Variants in RBM33 observed in about 807,000 individuals in gnomAD.
RBM33 encodes RNA binding motif protein 33, also known as RNA-binding protein 33.
A neutral mutation model predicts 132.6 loss-of-function variants in RBM33; 28 were observed. That is an observed-to-expected ratio of 0.21 (90% confidence interval 0.16 to 0.29). The LOEUF (loss-of-function observed/expected upper bound fraction) is 0.29. RBM33 is among the 10% of genes least tolerant of loss of function. The pLI is 1.00. For missense variants in RBM33, 1,291 were observed against 1,518.5 expected, an observed-to-expected ratio of 0.85 and a Z score of 2.49; for synonymous variants, 634 against 593.0, an observed-to-expected ratio of 1.07 and a Z score of -1.01.
chr7:155,700,036 G>C (rs549522362), intron 5 of RBM33, among the ~76,000 whole-genome samples: 12 of 152,300 alleles, frequency 7.9e-5, no homozygotes, highest in African/African-American at 2.9e-4. Context: ...AGTGATACTT[G>C]GCAGTAAGAA....
chr7:155,681,106 G>A (rs1799326436), intron 5 of RBM33, among the ~76,000 whole-genome samples, 198 bp downstream of exon 5: 1 of 152,200 alleles, frequency 6.6e-6, no homozygotes, highest in East Asian at 1.9e-4. Flanking sequence ...ATGCTCCTTT[G>A]TCATTCTGGA....
intron 6 of RBM33, chr7:155,701,460 T>A (rs1217984965): frequency 6.3e-6 from 1 of 159,828 alleles, no homozygotes; most frequent in African/African-American, 2.4e-5. Context: ...CAAAGCTTGC[T>A]GTGTGAAAGG....
At chr7:155,750,342 A>G (rs1801653104) in intron 14 of RBM33, among the ~76,000 whole-genome samples, 2 of 149,036 alleles carry the variant, frequency 1.3e-5, no homozygotes, top group African/African-American at 5.1e-5. Flanking sequence ...GCAAATATAA[A>G]AAGTATAAAA....
intron 9 of RBM33, among the ~76,000 whole-genome samples, chr7:155,720,898 C>T (rs1479262084): frequency 6.6e-6 from 1 of 152,184 alleles, no homozygotes; most frequent in East Asian, 1.9e-4. Flanking sequence ...TGACTACACA[C>T]ACGCACACAC....
chr7:155,671,013 A>G (rs1036182557), intron 2 of RBM33, among the ~76,000 whole-genome samples: 4 of 151,114 alleles, frequency 2.6e-5, no homozygotes, highest in Non-Finnish European at 5.9e-5. Context: ...TGACTTTGTC[A>G]GTTTGCCCTG....
intron 14 of RBM33, among the ~76,000 whole-genome samples, chr7:155,747,988 G>T (rs1193554159): frequency 1.3e-5 from 2 of 152,168 alleles, no homozygotes; most frequent in African/African-American, 2.4e-5. Context: ...TCTGTTCCTG[G>T]CTGCTGGAGA....
At chr7:155,749,203 C>T (rs575491526) in intron 14 of RBM33, among the ~76,000 whole-genome samples, 2 of 152,326 alleles carry the variant, frequency 1.3e-5, no homozygotes, top group South Asian at 4.1e-4. Flanking sequence ...TTCTGGTACA[C>T]AGAAGGCATT....
intron 9 of RBM33, among the ~76,000 whole-genome samples, chr7:155,726,360 C>T (rs1311745287): frequency 1.5e-4 from 22 of 149,316 alleles, no homozygotes; most frequent in Admixed American, 1.2e-3. Context: ...AGTTTTTCAT[C>T]GTTTTTTTTT....
chr7:155,714,209 G>A (rs1230838233), intron 8 of RBM33, among the ~76,000 whole-genome samples: 1 of 152,218 alleles, frequency 6.6e-6, no homozygotes, highest in Non-Finnish European at 1.5e-5. Flanking sequence ...GGAATAGGCA[G>A]GCAGTTGGGT....
At chr7:155,730,981 G>C (rs1800938447) in intron 9 of RBM33, among the ~76,000 whole-genome samples, 1 of 149,050 alleles carries the variant, frequency 6.7e-6, no homozygotes, top group Admixed American at 6.6e-5. Context: ...GGAAAACTAA[G>C]TTTGTGGACT....
Position 155,673,494 on chromosome 7 carries a change from A to C in RBM33, c.171+579A>C, listed in dbSNP as rs140542468. Reference sequence around the variant, plus strand: ...TACATACACGTGTGTATATATATACACACATATATACATACACACGTGTAT... The same window carrying C: ...TACATACACGTGTGTATATATATACCCACATATATACATACACACGTGTAT... On this transcript the variant is annotated intron_variant, in intron 3 of 17. Transcript: ENST00000401878. Among the ~76,000 whole-genome samples, 628 of 144,040 alleles carry C rather than the reference A, an allele frequency of 4.4e-3. 10 individuals carry two copies. The highest frequency in any genetic ancestry group is 0.018 in the African/African-American group (607 of 34,538). The allele number at this position is 144,040 out of a possible 152,430, so 94.5% of individuals were successfully genotyped here.
intron 2 of RBM33, among the ~76,000 whole-genome samples, chr7:155,670,242 T>C (rs139878649): frequency 1.8e-3 from 267 of 152,318 alleles, no homozygotes; most frequent in African/African-American, 5.0e-3. Context: ...GTGGAATCTT[T>C]AGGGAACTCT....
chr7:155,712,387 A>G (rs1006631307), intron 8 of RBM33, among the ~76,000 whole-genome samples: 4 of 152,220 alleles, frequency 2.6e-5, no homozygotes, highest in African/African-American at 9.6e-5. Flanking sequence ...TATTTTTGGC[A>G]TTTGAGTTAT....
At chr7:155,688,362 TAAG>T (rs1799536655) in intron 5 of RBM33, among the ~76,000 whole-genome samples, 2 of 152,210 alleles carry the variant, frequency 1.3e-5, no homozygotes, top group Non-Finnish European at 2.9e-5. Context: ...CTTATCAGCT[TAAG>T]GAGATTTTGG....
At chr7:155,757,858 G>T (rs2117057279) in intron 14 of RBM33, among the ~76,000 whole-genome samples, 1 of 129,334 alleles carries the variant, frequency 7.7e-6, no homozygotes, top group South Asian at 2.6e-4. Flanking sequence ...GCATTTCATG[G>T]CAAAAGCAGG....
chr7:155,697,884 A>G (rs970173280), intron 5 of RBM33, among the ~76,000 whole-genome samples: 4 of 152,220 alleles, frequency 2.6e-5, no homozygotes, highest in South Asian at 2.1e-4. Context: ...GGTTTTCACA[A>G]TAAATCAGTA....
At chr7:155,707,153 C>G in intron 7 of RBM33, 85 bp downstream of exon 7, 1 of 1,148,860 alleles carries the variant, frequency 8.7e-7, no homozygotes, top group Admixed American at 2.0e-5. Flanking sequence ...ATACATTTCT[C>G]TCTTCTTAGT....
chr7:155,707,528 C>T (rs1800151413), intron 7 of RBM33: 2 of 314,272 alleles, frequency 6.4e-6, no homozygotes, highest in Non-Finnish European at 6.2e-6. Flanking sequence ...ATTAACATGT[C>T]CTCCATACAA....
intron 5 of RBM33, 120 bp from the exon 6 acceptor site, chr7:155,700,652 AT>A: frequency 1.5e-6 from 1 of 658,368 alleles, no homozygotes. Flanking sequence ...TTAACAGGAC[AT>A]TTTGCAGTAT....
Sources: gnomAD v4.1 joint callset for allele counts (sites outside exome capture counted in the v4.1 genomes callset) on GRCh38, gnomAD v4.1.1 for gene constraint, MANE v1.5 for transcripts, NCBI Gene and HGNC (gene_info 2026-07-23, HGNC 2026-07-21) for gene names.